The following MGAT5B variants were observed in gnomAD, a reference collection of about 807,000 sequenced individuals.
MGAT5B encodes alpha-1,6-mannosylglycoprotein 6-beta-N-acetylglucosaminyltransferase B.
Under a neutral mutation model 95.1 loss-of-function variants are expected in MGAT5B, and 54 were observed. The ratio of observed to expected loss-of-function variants is 0.57; its 90% CI spans 0.46 to 0.71. The LOEUF (loss-of-function observed/expected upper bound fraction) is 0.71. MGAT5B is among the 30% of genes least tolerant of loss of function. MGAT5B has a pLI of 0.00. For synonymous variants in MGAT5B, 464 were observed against 451.0 expected (o/e 1.03, Z -0.36); for missense variants, 935 against 1,088.6 (o/e 0.86, Z 1.99).
chr17:76,926,498 C>T lies in MGAT5B; in HGVS notation c.1158-99C>T. 7 of 1,234,614 alleles carry T rather than the reference C, an allele frequency of 5.7e-6. No homozygotes were observed. The South Asian group carries it at 5.7e-5, about 10-fold the overall frequency. 76.5% of individuals were successfully genotyped at this position (1,234,614 alleles called of 1,614,324 possible). A position where few individuals can be genotyped will look rare whatever the true frequency, so the allele number is the denominator to read the frequency against. On this transcript the variant is annotated intron_variant, in intron 9 of 17. Transcript: ENST00000569840. The stretch of plus-strand genomic sequence containing the variant: ...AACACACACTGTGCTACTCTGACTC[C>T]ACCACTGGCTGGTGACAGTGCTCGT...
rs1966960342 is a variant in MGAT5B at position 76,870,270 on chromosome 17, C to T, written c.68+1173C>T. On this transcript the variant is annotated intron_variant, in intron 1 of 17. Coordinates refer to ENST00000569840, the MANE Select transcript of MGAT5B (RefSeq NM_001199172.2). The surrounding 1 kb of genome is among the most constrained non-coding windows in gnomAD (Gnocchi z 5.0). The stretch of plus-strand genomic sequence containing the variant: ...TGTCTGCTGGGCCGAGGAGGCAACC[C>T]CAGGGGACGGCAGGGGTCAGGCTGG... Among the ~76,000 whole-genome samples, 1 of 152,164 alleles carries T rather than the reference C, an allele frequency of 6.6e-6. No individual in the cohort carries two copies. Among genetic ancestry groups the T allele is most frequent in the African/African-American group, 2.4e-5 (1 of 41,452 alleles).
chr17:76,881,406 A>G (rs1293645322), intron 2 of MGAT5B, among the ~76,000 whole-genome samples: 2 of 152,146 alleles, frequency 1.3e-5, no homozygotes, highest in Admixed American at 6.5e-5. Context: ...TTCAGAACAC[A>G]TGCATTATGG....
rs1302618395 is a variant in MGAT5B, at chr17:76,915,699, A to G, written c.1026-9267A>G. On this transcript the variant is annotated intron_variant, in intron 8 of 17. Coordinates refer to ENST00000569840, the MANE Select transcript of MGAT5B (RefSeq NM_001199172.2). This position sits in a 1 kb window ranked among gnomAD's most constrained non-coding sequence, Gnocchi z 8.7. Reference sequence around the variant, plus strand: ...CGCATCTTGGCACCTAGACTTGTGAATGGCAGCTCTCCTGCATCACCCTCC... The same window carrying G: ...CGCATCTTGGCACCTAGACTTGTGAGTGGCAGCTCTCCTGCATCACCCTCC... 6.6e-6 allele frequency among the ~76,000 whole-genome samples: 1 copy of G among 152,202 alleles called. No homozygotes were observed. The highest frequency in any genetic ancestry group is 1.9e-4 in the East Asian group (1 of 5,188).
chr17:76,897,660 A>ACCTTCTTTCTTTCTTTCTTTCTTTCTTT (rs1385091778), intron 3 of MGAT5B, among the ~76,000 whole-genome samples: 4 of 69,440 alleles, frequency 5.8e-5, no homozygotes, highest in East Asian at 8.5e-4. Flanking sequence ...AAGTAAGGCC[A>ACCTTCTTTCTTTCTTTCTTTCTTTCTTT]CTTTCTTTCT....
intron 3 of MGAT5B, among the ~76,000 whole-genome samples, chr17:76,890,433 A>G (rs1598910922): frequency 6.6e-6 from 1 of 152,236 alleles, no homozygotes; most frequent in Admixed American, 6.5e-5. Flanking sequence ...GTAACTACCT[A>G]TAGGTCTCTT....
intron 8 of MGAT5B, among the ~76,000 whole-genome samples, chr17:76,920,747 G>A (rs891355479): frequency 2.0e-5 from 3 of 152,158 alleles, no homozygotes; most frequent in Non-Finnish European, 2.9e-5. Context: ...CTTTGAGCAC[G>A]TGGAAGGCCA....
chr17:76,895,384 T>C (rs536592494), intron 3 of MGAT5B, among the ~76,000 whole-genome samples: 11 of 152,122 alleles, frequency 7.2e-5, no homozygotes, highest in African/African-American at 2.7e-4. Context: ...CCTGAAACCA[T>C]CCCCACTGCC....
chr17:76,937,943 C>T (rs761308764), intron 12 of MGAT5B, 45 bp from the exon 13 acceptor site: 4 of 1,604,500 alleles, frequency 2.5e-6, no homozygotes, highest in Non-Finnish European at 2.6e-6. Context: ...ACTTTGCCTT[C>T]TGTGGTTTGC....
rs527271905 is a variant in MGAT5B, at chr17:76,918,159, C to T, written c.1026-6807C>T. Among the ~76,000 whole-genome samples, 57 of 149,768 alleles carry T rather than the reference C, an allele frequency of 3.8e-4. No homozygotes were observed. Among genetic ancestry groups the T allele is most frequent in the Non-Finnish European group, 6.5e-4 (44 of 67,804 alleles). On this transcript the variant is annotated intron_variant, in intron 8 of 17. Coordinates refer to ENST00000569840, the MANE Select transcript of MGAT5B (RefSeq NM_001199172.2). This position sits in a 1 kb window ranked among gnomAD's most constrained non-coding sequence, Gnocchi z 5.1. ...TCTGCAGTGTTGAGGATACGCTGCT[C>T]CCTCAGTTTCCCTTTCGGAGGCTCC...
chr17:76,932,693 A>G lies in MGAT5B; in HGVS notation c.1340A>G (p.Asn447Ser), dbSNP rs1969530744. 3 of 1,613,888 alleles carry G rather than the reference A, an allele frequency of 1.9e-6. No homozygotes were observed. The highest frequency in any genetic ancestry group is 2.7e-5 in the African/African-American group (2 of 74,938). ...SFMGFVSEEL[N>S]ETEKRLIKGG... ...ATGGGCTTCGTGTCCGAGGAGCTCA[A>G]CGAGACGGAGAAGCGGCTCATCAAA... is the stretch of plus-strand genomic sequence containing the variant. The change falls in exon 11 of 18, where the codon AAC becomes AGC. Residue 447 changes from asparagine to serine, a missense_variant. Coordinates refer to ENST00000569840, the MANE Select transcript of MGAT5B (RefSeq NM_001199172.2).
At chr17:76,895,064 T>G (rs1024080575) in intron 3 of MGAT5B, among the ~76,000 whole-genome samples, 8 of 152,092 alleles carry the variant, frequency 5.3e-5, no homozygotes, top group Non-Finnish European at 5.9e-5. Flanking sequence ...CGTCCGTATT[T>G]ACGGCTGCTC....
chr17:76,885,615 T>G lies in MGAT5B; in HGVS notation c.329+3317T>G, dbSNP rs373648879. Among the ~76,000 whole-genome samples, 4 of 152,296 alleles carry G rather than the reference T, an allele frequency of 2.6e-5. No homozygotes were observed. In the East Asian group the frequency reaches 7.7e-4, roughly 29 times the overall value. The stretch of plus-strand genomic sequence containing the variant: ...GGAACTTGTAGGGGGAGGGGGAATA[T>G]GCGCCACCTCCCAGCTCCCTCCTGG... On this transcript the variant is annotated intron_variant, in intron 3 of 17. Coordinates refer to ENST00000569840, the MANE Select transcript of MGAT5B (RefSeq NM_001199172.2).
In MGAT5B at chr17:76,946,357, C is replaced by G. The variant is rs748366692; in HGVS notation, c.1849-19C>G. ...CTGGGCCTTCTCCCGCCCCATGTGT[C>G]TGCCCATCCCTCCCACAGGTAGACC... On this transcript the variant is annotated intron_variant, in intron 15 of 17. Transcript: ENST00000569840. 6 of 1,601,484 alleles carry G rather than the reference C, an allele frequency of 3.7e-6. No homozygotes were observed. In the South Asian group the frequency reaches 5.6e-5, roughly 15 times the overall value.
intron 2 of MGAT5B, among the ~76,000 whole-genome samples, chr17:76,881,009 C>T (rs535074802): frequency 1.1e-4 from 17 of 152,234 alleles, no homozygotes; most frequent in Non-Finnish European, 2.4e-4. Context: ...GGTGACTTGG[C>T]TCGTTTTGGG....
chr17:76,905,216 C>T lies in MGAT5B; in HGVS notation c.738C>T (p.Ser246=), dbSNP rs773955107. ...CCCACCTTCTGGACCTGATGGGCAG[C>T]GGGAAGGAGTCCCTGATCTTCATGA... is the stretch of plus-strand genomic sequence containing the variant. ...NLSHLLDLMG[S]GKESLIFMKK... Residue 246 remains serine, a synonymous_variant, in exon 7 of 18, where the codon AGC becomes AGT. Coordinates refer to ENST00000569840, the MANE Select transcript of MGAT5B (RefSeq NM_001199172.2). The surrounding 1 kb of genome is among the most constrained non-coding windows in gnomAD (Gnocchi z 4.2). 13 of 1,613,360 alleles carry T rather than the reference C, an allele frequency of 8.1e-6. No individual in the cohort carries two copies. Among genetic ancestry groups the T allele is most frequent in the South Asian group, 6.6e-5 (6 of 91,054 alleles).
At chr17:76,919,255 G>C (rs1969045053) in intron 8 of MGAT5B, among the ~76,000 whole-genome samples, 1 of 152,166 alleles carries the variant, frequency 6.6e-6, no homozygotes, top group African/African-American at 2.4e-5. Flanking sequence ...AAGAGTGCCT[G>C]AGCCAGTCCT....
intron 9 of MGAT5B, among the ~76,000 whole-genome samples, chr17:76,926,142 T>A (rs1218256574): frequency 6.6e-6 from 1 of 152,126 alleles, no homozygotes; most frequent in East Asian, 1.9e-4. Flanking sequence ...GGACCCTGCC[T>A]TTTGCATCCT....
chr17:76,935,653 A>G (rs1306117151), intron 12 of MGAT5B, among the ~76,000 whole-genome samples: 1 of 132,982 alleles, frequency 7.5e-6, no homozygotes, highest in Non-Finnish European at 1.6e-5. Flanking sequence ...ACTTTTGCCC[A>G]TTGAAAATAT....
At chr17:76,892,941 A>T (rs911280879) in intron 3 of MGAT5B, among the ~76,000 whole-genome samples, 2 of 152,160 alleles carry the variant, frequency 1.3e-5, no homozygotes, top group Non-Finnish European at 2.9e-5. Context: ...GGCCCCAGGT[A>T]GAAAAGGACA....
Sources: gnomAD v4.1 joint callset for allele counts (sites outside exome capture counted in the v4.1 genomes callset) on GRCh38, gnomAD v4.1.1 for gene constraint, Gnocchi (gnomAD v3.1) non-coding constraint, MANE v1.5 for transcripts, NCBI Gene and HGNC (gene_info 2026-07-23, HGNC 2026-07-21) for gene names.